UNC5B: variants seen among roughly 807,000 people sequenced by gnomAD.
UNC5B encodes unc-5 netrin receptor B.
In UNC5B, 56 loss-of-function variants were observed where a neutral mutation model predicts 103.7. That is an observed-to-expected ratio of 0.54 (90% confidence interval 0.44 to 0.67). The LOEUF is 0.67. Among genes scored for constraint, UNC5B ranks in the 30% least tolerant of loss-of-function variants. The probability of loss-of-function intolerance (pLI) is 0.00; values close to 1 mark genes in which losing one functional copy is unlikely to be tolerated. For synonymous variants in UNC5B, 577 were observed against 542.0 expected (o/e 1.06, Z -0.90); for missense variants, 1,194 against 1,284.5 (o/e 0.93, Z 1.08).
At chr10:71,228,572 CAA>C (rs1843618160) in intron 1 of UNC5B, among the ~76,000 whole-genome samples, 1 of 152,194 alleles carries the variant, frequency 6.6e-6, no homozygotes, top group Non-Finnish European at 1.5e-5. Context: ...CACGGACAGA[CAA>C]TGCACAAAAT....
At chr10:71,238,184 A>G (rs1041716719) in intron 1 of UNC5B, among the ~76,000 whole-genome samples, 1 of 152,114 alleles carries the variant, frequency 6.6e-6, no homozygotes, top group Non-Finnish European at 1.5e-5. Flanking sequence ...TCCTGTTGGA[A>G]ACACCAGTCT....
At chr10:71,238,792 A>G (rs1040195765) in intron 1 of UNC5B, among the ~76,000 whole-genome samples, 1 of 152,082 alleles carries the variant, frequency 6.6e-6, no homozygotes, top group Non-Finnish European at 1.5e-5. Flanking sequence ...TATTATTACT[A>G]TTTTAAAGAC....
intron 1 of UNC5B, among the ~76,000 whole-genome samples, chr10:71,274,689 G>A (rs184968633): frequency 1.4e-4 from 21 of 152,214 alleles, no homozygotes; most frequent in Non-Finnish European, 2.2e-4. Context: ...GGCACCCCTC[G>A]GAGGTCCCAT....
chr10:71,261,413 T>C (rs1165529211), intron 1 of UNC5B, among the ~76,000 whole-genome samples: 2 of 152,158 alleles, frequency 1.3e-5, no homozygotes, highest in Non-Finnish European at 2.9e-5. Flanking sequence ...TCTATAGCCC[T>C]TGCACACTCT....
Position 71,299,374 on chromosome 10 carries a change from C to T in UNC5B, c.*97C>T, listed in dbSNP as rs1845531572. 1 of 1,491,656 alleles carries T rather than the reference C, an allele frequency of 6.7e-7. No individual in the cohort carries two copies. 92.4% of individuals were successfully genotyped at this position (1,491,656 alleles called of 1,614,324 possible). ...TGGGGATGTTTGGCCTCTGCTTCCT[C>T]CCAGTTCACAGCCAGAGTTGCCTCT... On this transcript the variant is annotated 3_prime_UTR_variant, in exon 17 of 17. Coordinates refer to ENST00000335350, the MANE Select transcript of UNC5B (RefSeq NM_170744.5).
intron 14 of UNC5B, 127 bp from the exon 15 acceptor site, chr10:71,296,451 C>T: frequency 2.7e-6 from 3 of 1,096,602 alleles, no homozygotes; most frequent in Non-Finnish European, 3.8e-6. Flanking sequence ...GGCACTTGAC[C>T]CCTCCCTATC....
At chr10:71,234,126 A>C (rs1198086973) in intron 1 of UNC5B, among the ~76,000 whole-genome samples, 1 of 152,150 alleles carries the variant, frequency 6.6e-6, no homozygotes, top group Admixed American at 6.5e-5. Context: ...TATCTTCCTC[A>C]TTTTATAGAT....
intron 2 of UNC5B, among the ~76,000 whole-genome samples, chr10:71,284,287 G>A (rs922300119): frequency 3.3e-5 from 5 of 152,160 alleles, no homozygotes; most frequent in Non-Finnish European, 7.4e-5. Context: ...CAAGGGCCCC[G>A]TGGCTGCAGA....
At chr10:71,246,445 G>A (rs1253886418) in intron 1 of UNC5B, among the ~76,000 whole-genome samples, 2 of 152,122 alleles carry the variant, frequency 1.3e-5, no homozygotes, top group Non-Finnish European at 2.9e-5. Context: ...CTGAATCAGG[G>A]AAGCACCCTG....
chr10:71,261,002 G>A (rs982313869), intron 1 of UNC5B, among the ~76,000 whole-genome samples: 11 of 152,228 alleles, frequency 7.2e-5, no homozygotes, highest in Non-Finnish European at 1.5e-4. Flanking sequence ...CAGAGCAGCC[G>A]GCTGGTTCAC....
chr10:71,272,804 C>T (rs1844677989), intron 1 of UNC5B, among the ~76,000 whole-genome samples: 1 of 152,224 alleles, frequency 6.6e-6, no homozygotes, highest in Non-Finnish European at 1.5e-5. Flanking sequence ...GTCTGTGGGG[C>T]TTCTGACCTC....
intron 1 of UNC5B, among the ~76,000 whole-genome samples, chr10:71,231,696 GT>G (rs1843687496): frequency 6.6e-6 from 1 of 151,910 alleles, no homozygotes; most frequent in Non-Finnish European, 1.5e-5. Context: ...AAAGGTTCTG[GT>G]TTAGGGACTG....
At chr10:71,259,734 G>T (rs762956322) in intron 1 of UNC5B, among the ~76,000 whole-genome samples, 3 of 152,182 alleles carry the variant, frequency 2.0e-5, no homozygotes, top group Non-Finnish European at 2.9e-5. Context: ...ATATAGACCC[G>T]TGACTTGCCC....
intron 1 of UNC5B, among the ~76,000 whole-genome samples, chr10:71,247,942 G>T (rs561298135): frequency 6.6e-6 from 1 of 152,138 alleles, no homozygotes; most frequent in African/African-American, 2.4e-5. Flanking sequence ...TGGGAATGCC[G>T]CATCTGCCTT....
chr10:71,301,967 C>T lies in UNC5B; in HGVS notation c.*2690C>T, dbSNP rs1324265897. 6.6e-6 allele frequency: 1 copy of T among 152,260 alleles called. No individual in the cohort carries two copies. Among genetic ancestry groups the T allele is most frequent in the Non-Finnish European group, 1.5e-5 (1 of 68,076 alleles). The allele number at this position is 152,260 out of a possible 1,614,324, so 9.4% of individuals were successfully genotyped here. A position where few individuals can be genotyped will look rare whatever the true frequency, so the allele number is the denominator to read the frequency against. The stretch of plus-strand genomic sequence containing the variant: ...GACGGATGAAGTGCAGCCAGCCACC[C>T]AGGTGCCATTTCCAGTCTGACTTCC... On this transcript the variant is annotated 3_prime_UTR_variant, in exon 17 of 17. Transcript: ENST00000335350.
chr10:71,224,810 G>A (rs1488483727), intron 1 of UNC5B, among the ~76,000 whole-genome samples: 1 of 152,132 alleles, frequency 6.6e-6, no homozygotes. Context: ...TGGATTGCTG[G>A]ATCCCAAATC....
rs544743935 is a variant in UNC5B, at chr10:71,292,664, G to GA, written c.1772+113dup. 6,530 of 917,254 alleles carry GA rather than the reference G, an allele frequency of 7.1e-3. 34 individuals are homozygous for GA. The highest frequency in any genetic ancestry group is 9.5e-3 in the Non-Finnish European group (5,665 of 596,794). 56.8% of individuals were successfully genotyped at this position (917,254 alleles called of 1,614,324 possible). On this transcript the variant is annotated intron_variant, in intron 11 of 16. Coordinates refer to ENST00000335350, the MANE Select transcript of UNC5B (RefSeq NM_170744.5). ...TGCCAAGACCAAACAGTCCTCCAAG[G>GA]AAAGTATTAATCTTACTGTGTCCAT...
intron 5 of UNC5B, 32 bp from the exon 6 acceptor site, chr10:71,287,566 A>C (rs1348698984): frequency 1.9e-6 from 3 of 1,566,818 alleles, no homozygotes; most frequent in South Asian, 1.2e-5. Context: ...TTCCAGAGCC[A>C]AGCCATCCAG....
rs757788257 is a variant in UNC5B, at chr10:71,284,742, G to T, written c.327G>T (p.Gln109His). 42 of 1,613,988 alleles carry T rather than the reference G, an allele frequency of 2.6e-5. No individual in the cohort carries two copies. Among genetic ancestry groups the T allele is most frequent in the Admixed American group, 1.7e-4 (10 of 60,024 alleles). The change falls in exon 3 of 17, where the codon CAG becomes CAT. Residue 109 changes from glutamine to histidine, a missense_variant. Gln to His is a conservative substitution (Grantham distance 24, BLOSUM62 0). Transcript: ENST00000335350. ...CAGGCCTGCGGGTGCGCGAGGTGCAGATCGAGGTGTCGCGGCAGCAGGTGG... is the reference window on the plus strand; with the variant it reads ...CAGGCCTGCGGGTGCGCGAGGTGCATATCGAGGTGTCGCGGCAGCAGGTGG... Reference protein sequence around the residue: ...EATGLRVREVQIEVSRQQVEE... With the variant: ...EATGLRVREVHIEVSRQQVEE...
Sources: gnomAD v4.1 joint callset for allele counts (sites outside exome capture counted in the v4.1 genomes callset) on GRCh38, gnomAD v4.1.1 for gene constraint, MANE v1.5 for transcripts, NCBI Gene and HGNC (gene_info 2026-07-23, HGNC 2026-07-21) for gene names.